The following RGS7 variants were observed in gnomAD, a reference collection of about 807,000 sequenced individuals.
RGS7 encodes regulator of G-protein signaling 7.
RGS7 carries 27 observed loss-of-function variants against 81.1 expected under a neutral mutation model. That is an observed-to-expected ratio of 0.33 (90% CI 0.25 to 0.46). RGS7 has a LOEUF of 0.46. RGS7 is among the 20% of genes least tolerant of loss of function. The probability of loss-of-function intolerance (pLI) is 1.00; values close to 1 mark genes in which losing one functional copy is unlikely to be tolerated. For missense variants in RGS7, 396 were observed against 607.4 expected, an observed-to-expected ratio of 0.65 and a Z score of 3.66; for synonymous variants, 208 against 207.7, an observed-to-expected ratio of 1.00 and a Z score of -0.01.
At chr1:240,982,945 A>G in intron 4 of RGS7, 134 bp downstream of exon 4, 1 of 599,196 alleles carries the variant, frequency 1.7e-6, no homozygotes, top group South Asian at 2.0e-5. Context: ...TATAAATGTT[A>G]AAAGCACAGT....
intron 2 of RGS7, among the ~76,000 whole-genome samples, chr1:241,258,208 A>AT (rs1400052515): frequency 6.6e-6 from 1 of 152,112 alleles, no homozygotes; most frequent in African/African-American, 2.4e-5. Context: ...AATGGAATTA[A>AT]TTGCAGCACT....
chr1:240,920,295 T>C, intron 6 of RGS7: 1 of 1,383,894 alleles, frequency 7.2e-7, no homozygotes, highest in Non-Finnish European at 1.0e-6. Flanking sequence ...GAATGACAAC[T>C]TTGGTCGTGG....
In RGS7 at chr1:241,333,920, T is replaced by C. The variant is rs72760593; in HGVS notation, c.78+21779A>G. Among the ~76,000 whole-genome samples, 1,190 of 152,086 alleles carry C rather than the reference T, an allele frequency of 7.8e-3. 12 individuals are homozygous for C. Among genetic ancestry groups the C allele is most frequent in the Middle Eastern group, 0.014 (4 of 292 alleles). ...TTAATAAGTTTCTGTGAAAGTTAGA[T>C]GACTTCCTTACAAATAGTAATTAAT... is the stretch of plus-strand genomic sequence containing the variant. On this transcript the variant is annotated intron_variant, in intron 2 of 18. Coordinates refer to ENST00000440928, the MANE Select transcript of RGS7 (RefSeq NM_001364886.1).
intron 6 of RGS7, among the ~76,000 whole-genome samples, chr1:240,924,567 T>C (rs1177718881): frequency 1.3e-5 from 2 of 152,202 alleles, no homozygotes; most frequent in South Asian, 2.1e-4. Context: ...AAAGTCTGTA[T>C]CTCTCCCACA....
intron 3 of RGS7, among the ~76,000 whole-genome samples, chr1:241,061,705 G>C (rs2061747302): frequency 6.6e-6 from 1 of 152,238 alleles, no homozygotes; most frequent in South Asian, 2.1e-4. Flanking sequence ...AAGTCTAAAG[G>C]GGCAAATTAA....
intron 3 of RGS7, among the ~76,000 whole-genome samples, chr1:241,050,910 T>C (rs2061214975): frequency 6.6e-6 from 1 of 152,218 alleles, no homozygotes; most frequent in Non-Finnish European, 1.5e-5. Context: ...GTAAGGCTTC[T>C]GGTCAACAGT....
intron 4 of RGS7, among the ~76,000 whole-genome samples, chr1:240,937,074 T>A (rs936456568): frequency 6.6e-6 from 1 of 152,196 alleles, no homozygotes; most frequent in African/African-American, 2.4e-5. Context: ...AAACATGCCT[T>A]GTACCGAAAC....
In RGS7 at chr1:240,798,859, C is replaced by G. The variant is rs1251357140; in HGVS notation, c.*6+1782G>C. ...CATTTCTTTCTTGGATACTGTTGAC[C>G]TTGTAGCCTCCCTGTATGTACCAGA... On this transcript the variant is annotated intron_variant, in intron 18 of 18. Transcript: ENST00000440928. 2.6e-5 allele frequency among the ~76,000 whole-genome samples: 4 copies of G among 152,162 alleles called. No homozygotes were observed. The East Asian group carries it at 5.8e-4, about 22-fold the overall frequency.
chr1:240,856,890 A>C (rs1456676875), intron 9 of RGS7, among the ~76,000 whole-genome samples: 1 of 152,176 alleles, frequency 6.6e-6, no homozygotes, highest in South Asian at 2.1e-4. Context: ...CTTCTTTTTA[A>C]ATCACATTGA....
intron 3 of RGS7, chr1:240,998,692 CT>C: frequency 8.7e-7 from 1 of 1,154,536 alleles, no homozygotes. Flanking sequence ...TTTACACCGG[CT>C]GCTTTAATGA....
At chr1:241,295,705 G>A (rs2079384492) in intron 2 of RGS7, among the ~76,000 whole-genome samples, 2 of 152,146 alleles carry the variant, frequency 1.3e-5, no homozygotes, top group African/African-American at 2.4e-5. Flanking sequence ...GGCTGTTGTT[G>A]GAGCTGTCTT....
Position 241,271,996 on chromosome 1 carries a change from T to A in RGS7, c.78+83703A>T, listed in dbSNP as rs1208056121. ...CTACTAGAATTTCTTTTTTTTTTTT[T>A]TTATTTTTATTTTTTGAGATGGAGT... On this transcript the variant is annotated intron_variant, in intron 2 of 18. Transcript: ENST00000440928. This position sits in a 1 kb window ranked among gnomAD's most constrained non-coding sequence, Gnocchi z 4.6. 6.5e-5 allele frequency among the ~76,000 whole-genome samples: 9 copies of A among 138,864 alleles called. No individual in the cohort carries two copies. The highest frequency in any genetic ancestry group is 9.3e-5 in the Non-Finnish European group (6 of 64,228). 91.1% of individuals were successfully genotyped at this position (138,864 alleles called of 152,430 possible).
intron 6 of RGS7, among the ~76,000 whole-genome samples, chr1:240,897,928 G>T (rs1481428767): frequency 6.6e-6 from 1 of 152,050 alleles, no homozygotes; most frequent in Admixed American, 6.6e-5. Flanking sequence ...TTTTTCGGTT[G>T]GTAGGCTATT....
chr1:240,965,146 T>C (rs540602682), intron 4 of RGS7, among the ~76,000 whole-genome samples: 11 of 152,212 alleles, frequency 7.2e-5, no homozygotes, highest in Non-Finnish European at 1.0e-4. Context: ...CTTATTCTCA[T>C]ATGTTTGCTT....
chr1:240,965,597 T>C (rs973329681), intron 4 of RGS7, among the ~76,000 whole-genome samples: 1 of 152,136 alleles, frequency 6.6e-6, no homozygotes, highest in Non-Finnish European at 1.5e-5. Flanking sequence ...GTGGCTGCCA[T>C]CAGCCCTTCC....
At chr1:241,253,807 G>A (rs1345006077) in intron 2 of RGS7, among the ~76,000 whole-genome samples, 2 of 152,094 alleles carry the variant, frequency 1.3e-5, no homozygotes, top group Non-Finnish European at 2.9e-5. Context: ...TGGAAGTAGA[G>A]GAGGCTCTTC....
rs2077870133 is a variant in RGS7, at chr1:241,271,064, C to T, written c.78+84635G>A. Reference sequence around the variant, plus strand: ...CATCCCTTTTAATTTCTGCACGGGCCCTACTTTAAGTATCGCTGCAGTGGC... The same window carrying T: ...CATCCCTTTTAATTTCTGCACGGGCTCTACTTTAAGTATCGCTGCAGTGGC... On this transcript the variant is annotated intron_variant, in intron 2 of 18. Coordinates refer to ENST00000440928, the MANE Select transcript of RGS7 (RefSeq NM_001364886.1). The surrounding 1 kb of genome is among the most constrained non-coding windows in gnomAD (Gnocchi z 4.6). 1.3e-5 allele frequency among the ~76,000 whole-genome samples: 2 copies of T among 152,140 alleles called. No individual in the cohort carries two copies. Among genetic ancestry groups the T allele is most frequent in the Admixed American group, 1.3e-4 (2 of 15,278 alleles).
chr1:240,827,883 A>AC (rs1693153041), intron 9 of RGS7, among the ~76,000 whole-genome samples: 1 of 149,762 alleles, frequency 6.7e-6, no homozygotes, highest in Non-Finnish European at 1.5e-5. Flanking sequence ...AAAAAAAAAA[A>AC]AAAAACAGGC....
chr1:241,268,417 C>T (rs1028837082), intron 2 of RGS7, among the ~76,000 whole-genome samples: 7 of 152,188 alleles, frequency 4.6e-5, no homozygotes, highest in South Asian at 2.1e-4. Flanking sequence ...ACCCACTACA[C>T]GCCAGGAGCA....
Sources: allele counts gnomAD v4.1 joint callset (sites outside exome capture counted in the v4.1 genomes callset), GRCh38; gene constraint gnomAD v4.1.1; non-coding constraint Gnocchi (gnomAD v3.1); transcripts MANE v1.5; gene names NCBI Gene and HGNC (gene_info 2026-07-23, HGNC 2026-07-21).